DMD: variants seen among roughly 807,000 people sequenced by gnomAD.
The protein encoded by DMD is mutant dystrophin.
A neutral mutation model predicts 330.1 loss-of-function variants in DMD; 63 were observed. The ratio of observed to expected loss-of-function variants is 0.19; its 90% CI spans 0.16 to 0.24. The LOEUF (loss-of-function observed/expected upper bound fraction) is 0.24, where lower values mean the gene tolerates loss of function less well. Ranked by LOEUF, DMD falls within the 10% of genes least tolerant of loss-of-function variation. DMD has a pLI of 1.00. For synonymous variants in DMD, 1,223 were observed against 959.8 expected, an observed-to-expected ratio of 1.27 and a Z score of -5.07; for missense variants, 3,344 against 2,684.1, an observed-to-expected ratio of 1.25 and a Z score of -5.43.
chrX:31,440,133 G>A (rs965333913), intron 60 of DMD, among the ~76,000 whole-genome samples: 2 of 95,135 alleles, frequency 2.1e-5, no homozygotes, highest in African/African-American at 3.9e-5. Context: ...GTCCAAAATA[G>A]TTTTAAAGTA....
At chrX:32,155,166 GC>G (rs745418321) in intron 44 of DMD, among the ~76,000 whole-genome samples, 2 of 109,202 alleles carry the variant, frequency 1.8e-5, no homozygotes, top group Non-Finnish European at 3.8e-5. Context: ...TTTTTATTCT[GC>G]CTCTAACTAG....
At chrX:33,144,217 T>TA (rs1226860993) in intron 1 of DMD, among the ~76,000 whole-genome samples, 1 of 110,955 alleles carries the variant, frequency 9.0e-6, no homozygotes, top group Non-Finnish European at 1.9e-5. Flanking sequence ...ATGTGGGAGC[T>TA]AAAAAATTGA....
At chrX:32,196,148 A>G (rs2147651882) in intron 44 of DMD, among the ~76,000 whole-genome samples, 1 of 112,576 alleles carries the variant, frequency 8.9e-6, no homozygotes, top group South Asian at 3.7e-4. Context: ...TGTACATTTC[A>G]GGCTCATTTC....
At chrX:32,656,192 G>A (rs1028649395) in intron 9 of DMD, among the ~76,000 whole-genome samples, 2 of 111,774 alleles carry the variant, frequency 1.8e-5, no homozygotes, top group Non-Finnish European at 1.9e-5. Flanking sequence ...ATCCAACTTC[G>A]TCATTAAGAC....
chrX:31,445,423 T>C (rs2065205212), intron 59 of DMD, among the ~76,000 whole-genome samples: 1 of 112,021 alleles, frequency 8.9e-6, no homozygotes, highest in Admixed American at 9.5e-5. Context: ...TATTATGTTA[T>C]ATGCTTCCCC....
At chrX:31,461,577 T>C (rs2066527486) in intron 59 of DMD, among the ~76,000 whole-genome samples, 1 of 111,968 alleles carries the variant, frequency 8.9e-6, no homozygotes, top group African/African-American at 3.2e-5. Context: ...ATTTTCTTAC[T>C]AATAGTGATC....
intron 63 of DMD, among the ~76,000 whole-genome samples, chrX:31,241,133 G>A: frequency 9.0e-6 from 1 of 111,509 alleles, no homozygotes; most frequent in Non-Finnish European, 1.9e-5. Flanking sequence ...AAAAGTGCAA[G>A]TAATATTTTT....
intron 47 of DMD, among the ~76,000 whole-genome samples, chrX:31,909,041 T>C (rs773579432): frequency 1.6e-4 from 18 of 112,536 alleles, no homozygotes; most frequent in Non-Finnish European, 3.0e-4. Flanking sequence ...TTGGAAAGTA[T>C]TGTTGTAATG....
intron 76 of DMD, among the ~76,000 whole-genome samples, chrX:31,145,028 A>G (rs1336732053): frequency 8.9e-6 from 1 of 112,251 alleles, no homozygotes; most frequent in Non-Finnish European, 1.9e-5. Context: ...AAGAATGAGA[A>G]CAGAACATGT....
chrX:33,081,897 C>T (rs1327819700), intron 1 of DMD, among the ~76,000 whole-genome samples: 1 of 110,275 alleles, frequency 9.1e-6, no homozygotes, highest in Non-Finnish European at 1.9e-5. Context: ...AAAAACAGAG[C>T]AGAGTCTTTG....
At chrX:32,300,597 T>A (rs150913468) in intron 42 of DMD, among the ~76,000 whole-genome samples, 2,760 of 111,753 alleles carry the variant, frequency 0.025, 58 homozygotes, top group Admixed American at 0.078. Flanking sequence ...TACGTACATT[T>A]TGTGTTAAGT....
chrX:32,729,567 C>T (rs1343210868), intron 7 of DMD, among the ~76,000 whole-genome samples: 2 of 111,789 alleles, frequency 1.8e-5, no homozygotes, highest in Non-Finnish European at 3.8e-5. Context: ...ACCACCCCCC[C>T]AATCTATCTT....
chrX:32,189,801 C>T (rs1388132061), intron 44 of DMD, among the ~76,000 whole-genome samples: 1 of 110,997 alleles, frequency 9.0e-6, no homozygotes, highest in African/African-American at 3.3e-5. Context: ...ACCCCAAAAG[C>T]CTAACTATGA....
At chrX:32,785,951 C>T (rs185735611) in intron 7 of DMD, among the ~76,000 whole-genome samples, 22 of 110,070 alleles carry the variant, frequency 2.0e-4, no homozygotes, top group Admixed American at 6.9e-4. Context: ...TAGTTTTTTC[C>T]CCACTTCTGG....
chrX:31,845,064 ATGTATATGTGTG>A (rs2093391973), intron 48 of DMD, among the ~76,000 whole-genome samples: 2 of 90,077 alleles, frequency 2.2e-5, no homozygotes, highest in Admixed American at 1.1e-4. Flanking sequence ...GTGTATATAT[ATGTATATGTGTG>A]TATATATATG....
chrX:33,109,697 G>A (rs1387755407), intron 1 of DMD, among the ~76,000 whole-genome samples: 1 of 111,961 alleles, frequency 8.9e-6, no homozygotes, highest in Non-Finnish European at 1.9e-5. Flanking sequence ...CGACGAAGTG[G>A]GGAGGTGAAA....
chrX:32,402,448 TTTA>T (rs1212990566), intron 30 of DMD, among the ~76,000 whole-genome samples: 1 of 111,220 alleles, frequency 9.0e-6, no homozygotes, highest in African/African-American at 3.3e-5. Flanking sequence ...TAGGACATTT[TTTA>T]TTAACCCCTA....
At chrX:31,748,542 G>A (rs757082224) in intron 51 of DMD, among the ~76,000 whole-genome samples, 84 of 111,540 alleles carry the variant, frequency 7.5e-4, no homozygotes, top group African/African-American at 2.6e-3. Context: ...ACACTTTCTC[G>A]TAAAGGTCAG....
chrX:31,341,847 A>G (rs1212446047), intron 61 of DMD, among the ~76,000 whole-genome samples: 1 of 108,378 alleles, frequency 9.2e-6, no homozygotes, highest in Non-Finnish European at 1.9e-5. Context: ...CAGAAGAAAA[A>G]CGTTTTACAC....
Sources: gnomAD v4.1 joint callset for allele counts (sites outside exome capture counted in the v4.1 genomes callset) on GRCh38, gnomAD v4.1.1 for gene constraint, MANE v1.5 for transcripts, NCBI Gene and HGNC (gene_info 2026-07-23, HGNC 2026-07-21) for gene names.